PARD3: variants seen among roughly 807,000 people sequenced by gnomAD.
PARD3 encodes the protein partitioning defective 3 homolog.
A neutral mutation model predicts 155.4 loss-of-function variants in PARD3; 75 were observed. The observed-to-expected ratio is 0.48, with a 90% CI of 0.40 to 0.58. The LOEUF is 0.58. PARD3 is among the 20% of genes least tolerant of loss of function. The pLI is 0.00. For missense variants in PARD3, 1,642 were observed against 1,721.7 expected (o/e 0.95, Z 0.82); for synonymous variants, 576 against 610.5 (o/e 0.94, Z 0.83).
At chr10:34,182,129 T>A (rs577016607) in intron 22 of PARD3, among the ~76,000 whole-genome samples, 3 of 152,268 alleles carry the variant, frequency 2.0e-5, no homozygotes, top group East Asian at 3.9e-4. Context: ...TGAAAGAAAG[T>A]GCTTGTCTTG....
intron 5 of PARD3, among the ~76,000 whole-genome samples, chr10:34,430,368 T>C (rs969215535): frequency 3.3e-5 from 5 of 152,222 alleles, no homozygotes; most frequent in African/African-American, 9.6e-5. Flanking sequence ...AATTTACTTA[T>C]ATTATTCTAA....
chr10:34,785,259 G>A (rs2134200511), intron 1 of PARD3, among the ~76,000 whole-genome samples: 1 of 152,138 alleles, frequency 6.6e-6, no homozygotes, highest in East Asian at 1.9e-4. Context: ...AAAAATAAAT[G>A]GTTTTTCAAA....
At chr10:34,637,392 G>GAGA (rs1407994098) in intron 2 of PARD3, among the ~76,000 whole-genome samples, 3 of 152,198 alleles carry the variant, frequency 2.0e-5, no homozygotes, top group Non-Finnish European at 2.9e-5. Flanking sequence ...GTTGTACAAT[G>GAGA]AGAAACGTCC....
chr10:34,676,551 A>G (rs1012721604), intron 2 of PARD3, among the ~76,000 whole-genome samples: 5 of 152,184 alleles, frequency 3.3e-5, no homozygotes, highest in African/African-American at 1.2e-4. Context: ...GAACTTAATA[A>G]TTTAAAGGCA....
At chr10:34,508,744 G>A (rs1327525962) in intron 3 of PARD3, among the ~76,000 whole-genome samples, 1 of 152,088 alleles carries the variant, frequency 6.6e-6, no homozygotes, top group Non-Finnish European at 1.5e-5. Flanking sequence ...TCTACCTAAG[G>A]GGCCAGTAGT....
intron 1 of PARD3, among the ~76,000 whole-genome samples, chr10:34,756,473 C>CTT (rs1564585614): frequency 2.1e-5 from 1 of 48,230 alleles, no homozygotes; most frequent in East Asian, 5.6e-4. Context: ...TTTTTTTTTT[C>CTT]TTATAAAAAA....
chr10:34,450,193 A>C, intron 5 of PARD3, 124 bp downstream of exon 5: 1 of 878,654 alleles, frequency 1.1e-6, no homozygotes, highest in Middle Eastern at 2.3e-4. Flanking sequence ...ATTGGTACTT[A>C]ACTAAAGTTT....
intron 2 of PARD3, among the ~76,000 whole-genome samples, chr10:34,635,506 A>C (rs2092437026): frequency 6.6e-6 from 1 of 152,234 alleles, no homozygotes; most frequent in Non-Finnish European, 1.5e-5. Flanking sequence ...TCAATGTGAC[A>C]GGGTTGCTAC....
At chr10:34,195,493 A>G (rs1950896196) in intron 22 of PARD3, among the ~76,000 whole-genome samples, 1 of 152,244 alleles carries the variant, frequency 6.6e-6, no homozygotes, top group Non-Finnish European at 1.5e-5. Flanking sequence ...GGTGCTTATC[A>G]GAGAAAAATC....
intron 22 of PARD3, among the ~76,000 whole-genome samples, chr10:34,135,901 T>C (rs995442494): frequency 6.6e-6 from 1 of 152,160 alleles, no homozygotes; most frequent in African/African-American, 2.4e-5. Context: ...TGGACAACAC[T>C]CTGAAGATAA....
chr10:34,513,853 T>C (rs2133588063), intron 3 of PARD3, among the ~76,000 whole-genome samples: 1 of 152,336 alleles, frequency 6.6e-6, no homozygotes, highest in South Asian at 2.1e-4. Context: ...CCAGTGTCCT[T>C]GACCTCTACT....
intron 20 of PARD3, among the ~76,000 whole-genome samples, chr10:34,296,823 T>C (rs191534805): frequency 6.6e-6 from 1 of 152,166 alleles, no homozygotes; most frequent in Non-Finnish European, 1.5e-5. Flanking sequence ...AATTTCAAAG[T>C]AATCACAAGA....
At chr10:34,186,263 G>A (rs1950489626) in intron 22 of PARD3, among the ~76,000 whole-genome samples, 1 of 151,932 alleles carries the variant, frequency 6.6e-6, no homozygotes, top group Admixed American at 6.6e-5. Context: ...GGAAGGCAGA[G>A]GTGGAGAGAT....
At chr10:34,178,816 G>A (rs1484133887) in intron 22 of PARD3, among the ~76,000 whole-genome samples, 1 of 152,164 alleles carries the variant, frequency 6.6e-6, no homozygotes, top group Non-Finnish European at 1.5e-5. Flanking sequence ...CTAATAGAAT[G>A]CTTTCATAAC....
intron 21 of PARD3, among the ~76,000 whole-genome samples, chr10:34,281,110 A>G (rs1215790773): frequency 1.4e-5 from 2 of 141,200 alleles, no homozygotes; most frequent in Non-Finnish European, 3.0e-5. Context: ...GGGGCTTTGT[A>G]TGGGAGGCTA....
chr10:34,404,953 T>C (rs1844282258), intron 5 of PARD3, among the ~76,000 whole-genome samples: 1 of 151,882 alleles, frequency 6.6e-6, no homozygotes, highest in African/African-American at 2.4e-5. Context: ...GTGCCTGTAG[T>C]CCCAACTACT....
At chr10:34,342,552 G>T (rs574843230) in intron 15 of PARD3, among the ~76,000 whole-genome samples, 3 of 152,242 alleles carry the variant, frequency 2.0e-5, no homozygotes, top group African/African-American at 7.2e-5. Flanking sequence ...TAAAAGATGA[G>T]TATTACCAAA....
chr10:34,218,800 G>T (rs1224234540), intron 22 of PARD3, among the ~76,000 whole-genome samples: 2 of 150,168 alleles, frequency 1.3e-5, no homozygotes, highest in Admixed American at 1.3e-4. Context: ...GGGGAGGAGG[G>T]ATGTCGTGTG....
chr10:34,159,752 A>G (rs892827925), intron 22 of PARD3, among the ~76,000 whole-genome samples: 16 of 152,206 alleles, frequency 1.1e-4, no homozygotes, highest in Non-Finnish European at 4.4e-5. Context: ...CCTCACAACA[A>G]TTCTAGTAGG....
Sources: gnomAD v4.1 joint callset for allele counts (sites outside exome capture counted in the v4.1 genomes callset) on GRCh38, gnomAD v4.1.1 for gene constraint, MANE v1.5 for transcripts, NCBI Gene and HGNC (gene_info 2026-07-23, HGNC 2026-07-21) for gene names.